Variants in ASIC2 observed in about 807,000 individuals in gnomAD.
The protein encoded by ASIC2 is acid-sensing ion channel 2.
In ASIC2, 25 loss-of-function variants were observed where a neutral mutation model predicts 57.3. The observed-to-expected ratio is 0.44, with a 90% confidence interval of 0.32 to 0.61. The LOEUF is 0.61. Ranked by LOEUF, ASIC2 falls within the 20% of genes least tolerant of loss-of-function variation. The pLI, the probability that ASIC2 is intolerant of heterozygous loss-of-function variation, is 0.06. For synonymous variants in ASIC2, 319 were observed against 307.5 expected, an observed-to-expected ratio of 1.04 and a Z score of -0.39; for missense variants, 641 against 738.1, an observed-to-expected ratio of 0.87 and a Z score of 1.52.
intron 1 of ASIC2, among the ~76,000 whole-genome samples, chr17:33,419,136 G>T (rs1910961312): frequency 6.6e-6 from 1 of 152,212 alleles, no homozygotes; most frequent in African/African-American, 2.4e-5. Context: ...GAGAAAGAGG[G>T]AGCCCATGCC....
At chr17:34,104,883 A>T (rs566020335) in intron 1 of ASIC2, among the ~76,000 whole-genome samples, 1 of 152,158 alleles carries the variant, frequency 6.6e-6, no homozygotes, top group East Asian at 1.9e-4. Flanking sequence ...CATCTATGTT[A>T]ATGAAGAATA....
At chr17:33,761,787 G>A (rs953854879) in intron 1 of ASIC2, among the ~76,000 whole-genome samples, 1 of 150,748 alleles carries the variant, frequency 6.6e-6, no homozygotes, top group Non-Finnish European at 1.5e-5. Context: ...CTACAGCTGA[G>A]AATACAAACC....
chr17:33,228,831 A>T (rs1280222447), intron 1 of ASIC2, among the ~76,000 whole-genome samples: 2 of 152,262 alleles, frequency 1.3e-5, no homozygotes, highest in East Asian at 1.9e-4. Context: ...TCGTGCCTCC[A>T]TCCTTCCAGG....
At chr17:34,072,107 G>C (rs1398632137) in intron 1 of ASIC2, 1 of 152,362 alleles carries the variant, frequency 6.6e-6, no homozygotes, top group Non-Finnish European at 1.5e-5. Flanking sequence ...GGAAGCTAGG[G>C]GGTTTTTGCA....
chr17:33,551,007 C>A (rs561898661), intron 1 of ASIC2, among the ~76,000 whole-genome samples: 1 of 151,988 alleles, frequency 6.6e-6, no homozygotes, highest in African/African-American at 2.4e-5. Context: ...TTGTTCTGTG[C>A]AGGATTTCTT....
Position 33,717,686 on chromosome 17 carries a change from C to G in ASIC2, c.555+438292G>C, listed in dbSNP as rs890574002. ...AACCCCTGCTAAGAGAGAAGAGCCACCCCCTGCCCAAGCCCCAGTGAGCTG... is the reference window on the plus strand; with the variant it reads ...AACCCCTGCTAAGAGAGAAGAGCCAGCCCCTGCCCAAGCCCCAGTGAGCTG... On this transcript the variant is annotated intron_variant, in intron 1 of 9. Transcript: ENST00000359872. Among the ~76,000 whole-genome samples, 6 of 152,212 alleles carry G rather than the reference C, an allele frequency of 3.9e-5. No homozygotes were observed. The East Asian group carries it at 1.2e-3, about 29-fold the overall frequency.
chr17:33,717,057 C>A (rs938925399), intron 1 of ASIC2, among the ~76,000 whole-genome samples: 13 of 152,328 alleles, frequency 8.5e-5, no homozygotes, highest in African/African-American at 3.1e-4. Context: ...ACTTAACAAC[C>A]TCTGCCAGCT....
At chr17:33,746,045 G>T (rs186924240) in intron 1 of ASIC2, among the ~76,000 whole-genome samples, 2 of 151,914 alleles carry the variant, frequency 1.3e-5, no homozygotes, top group East Asian at 3.9e-4. Flanking sequence ...AAGGTAGACA[G>T]GAGCAAAATC....
chr17:33,355,768 A>C (rs1908351319), intron 1 of ASIC2, among the ~76,000 whole-genome samples: 1 of 151,928 alleles, frequency 6.6e-6, no homozygotes, highest in South Asian at 2.1e-4. Context: ...TTTATCTACT[A>C]TTCATTCATT....
At chr17:34,135,518 A>G (rs987249287) in intron 1 of ASIC2, among the ~76,000 whole-genome samples, 1 of 152,132 alleles carries the variant, frequency 6.6e-6, no homozygotes, top group Admixed American at 6.5e-5. Flanking sequence ...ACATCAACCC[A>G]GACTTCTCTG....
chr17:33,821,971 G>T (rs1293602760), intron 1 of ASIC2, among the ~76,000 whole-genome samples: 2 of 152,128 alleles, frequency 1.3e-5, no homozygotes, highest in Non-Finnish European at 2.9e-5. Context: ...GAAATTGTGG[G>T]GATGCAGCAT....
chr17:33,827,444 G>A (rs1331941100), intron 1 of ASIC2, among the ~76,000 whole-genome samples: 1 of 147,572 alleles, frequency 6.8e-6, no homozygotes, highest in Non-Finnish European at 1.5e-5. Flanking sequence ...CCGTTCTCCT[G>A]CCTCAGCCTC....
chr17:33,869,997 C>T (rs1333018949), intron 1 of ASIC2, among the ~76,000 whole-genome samples: 2 of 152,138 alleles, frequency 1.3e-5, no homozygotes, highest in African/African-American at 4.8e-5. Flanking sequence ...CCCTGATTTA[C>T]AGGATGTCAG....
intron 1 of ASIC2, among the ~76,000 whole-genome samples, chr17:34,126,694 G>A (rs908342317): frequency 1.3e-5 from 2 of 152,168 alleles, no homozygotes; most frequent in Admixed American, 6.5e-5. Flanking sequence ...GACTCTGAAC[G>A]AAGAGGCAAG....
At chr17:33,836,116 C>G (rs1413851964) in intron 1 of ASIC2, among the ~76,000 whole-genome samples, 1 of 116,378 alleles carries the variant, frequency 8.6e-6, no homozygotes, top group South Asian at 2.9e-4. Flanking sequence ...CCTCATACAG[C>G]TTTTTTTTTT....
intron 1 of ASIC2, among the ~76,000 whole-genome samples, chr17:33,309,581 T>C (rs991414129): frequency 4.6e-5 from 7 of 152,188 alleles, no homozygotes; most frequent in Non-Finnish European, 1.0e-4. Context: ...ACCTTCACCT[T>C]CACCTCCACC....
At chr17:34,095,649 A>AATTT (rs1910506851) in intron 1 of ASIC2, among the ~76,000 whole-genome samples, 1 of 100,972 alleles carries the variant, frequency 9.9e-6, no homozygotes, top group African/African-American at 4.6e-5. Flanking sequence ...ATATATATAT[A>AATTT]TATATAATTT....
intron 1 of ASIC2, among the ~76,000 whole-genome samples, chr17:33,209,730 A>G (rs1907201805): frequency 1.3e-5 from 2 of 152,228 alleles, no homozygotes; most frequent in African/African-American, 4.8e-5. Context: ...TGGTTGGGCA[A>G]CAGCATGAAT....
intron 1 of ASIC2, among the ~76,000 whole-genome samples, chr17:33,119,658 C>G (rs1320557638): frequency 6.6e-6 from 1 of 152,226 alleles, no homozygotes; most frequent in Non-Finnish European, 1.5e-5. Context: ...GTTCCTGAAA[C>G]AGGAATTTTT....
Sources: gnomAD v4.1 joint callset for allele counts (sites outside exome capture counted in the v4.1 genomes callset) on GRCh38, gnomAD v4.1.1 for gene constraint, MANE v1.5 for transcripts, NCBI Gene and HGNC (gene_info 2026-07-23, HGNC 2026-07-21) for gene names.